CROCC: variants seen among roughly 807,000 people sequenced by gnomAD.
CROCC encodes the protein ciliary rootlet coiled-coil, rootletin.
A neutral mutation model predicts 245.2 loss-of-function variants in CROCC; 180 were observed. That is an observed-to-expected ratio of 0.73 (90% CI 0.65 to 0.83). CROCC has a LOEUF of 0.83. CROCC is among the 40% of genes least tolerant of loss of function. CROCC has a pLI of 0.00. For missense variants in CROCC, 2,688 were observed against 2,779.4 expected (o/e 0.97, Z 0.74); for synonymous variants, 1,205 against 1,241.6 (o/e 0.97, Z 0.62).
Position 16,969,784 on chromosome 1 carries a change from G to A in CROCC, c.5302-1G>A. On this transcript the variant is annotated splice_acceptor_variant, in intron 32 of 36. Coordinates refer to ENST00000375541, the MANE Select transcript of CROCC (RefSeq NM_014675.5). LOFTEE classifies it high-confidence loss of function. The stretch of plus-strand genomic sequence containing the variant: ...AGGCACCATCAGCCCCTGTCCCCCA[G>A]GAACGGCTGGATGCCGCCCGGCAGG... The A allele has an allele frequency of 6.2e-7, 1 of 1,611,996 alleles. No homozygotes were observed. Among genetic ancestry groups the A allele is most frequent in the Non-Finnish European group, 8.5e-7 (1 of 1,179,190 alleles).
upstream of CROCC, among the ~76,000 whole-genome samples, chr1:16,919,250 C>T (rs368638566): frequency 0.018 from 2,712 of 151,278 alleles, no homozygotes; most frequent in African/African-American, 0.062. Flanking sequence ...GCAAATGCCT[C>T]GGCCTTGCCC....
intron 26 of CROCC, among the ~76,000 whole-genome samples, chr1:16,959,626 CT>C (rs1385366783): frequency 6.6e-6 from 1 of 152,204 alleles, no homozygotes; most frequent in Non-Finnish European, 1.5e-5. Flanking sequence ...GAGAGGTTGA[CT>C]CTCTAAATGG....
Position 16,948,345 on chromosome 1 carries a change from G to A in CROCC, c.2529G>A (p.Leu843=). 2 of 1,572,966 alleles carry A rather than the reference G, an allele frequency of 1.3e-6. No individual in the cohort carries two copies. The highest frequency in any genetic ancestry group is 1.8e-5 in the Admixed American group (1 of 55,036). ...GTGGGGGCCAGCTCTCCCGGCAGCT[G>A]AGCGGGCGGGAGCAGGAGCTGGAGC... The part of the protein sequence containing the change: ...QEQLAQLSRQ[L]SGREQELEQA... Residue 843 remains leucine (L), a synonymous_variant, in exon 18 of 37, where the codon CTG becomes CTA. Coordinates refer to ENST00000375541, the MANE Select transcript of CROCC (RefSeq NM_014675.5).
upstream of CROCC, among the ~76,000 whole-genome samples, chr1:16,920,061 T>G (rs1201207797): frequency 2.0e-5 from 3 of 148,196 alleles, no homozygotes; most frequent in Non-Finnish European, 4.5e-5. Flanking sequence ...CCCAGCTAAT[T>G]TTTTTTATAT....
intron 27 of CROCC, among the ~76,000 whole-genome samples, chr1:16,962,214 G>T (rs2100531430): frequency 6.6e-6 from 1 of 151,926 alleles, no homozygotes; most frequent in South Asian, 2.1e-4. Context: ...ACAGGCGTGT[G>T]CCACCACGCC....
Position 16,939,886 on chromosome 1 carries a change from C to T in CROCC, c.1609-8C>T, listed in dbSNP as rs1366394296. ...CCCCCCCAGACTCTGTGACCCCCCACACCCCAGGACATGCGTGGGCGCTAT... is the reference window on the plus strand; with the variant it reads ...CCCCCCCAGACTCTGTGACCCCCCATACCCCAGGACATGCGTGGGCGCTAT... On this transcript the variant is annotated splice_polypyrimidine_tract_variant and splice_region_variant and intron_variant, in intron 12 of 36. Coordinates refer to ENST00000375541, the MANE Select transcript of CROCC (RefSeq NM_014675.5). 5 of 1,611,760 alleles carry T rather than the reference C, an allele frequency of 3.1e-6. No homozygotes were observed. Among genetic ancestry groups the T allele is most frequent in the Non-Finnish European group, 4.2e-6 (5 of 1,179,626 alleles).
At chr1:16,937,618 C>T (rs557517481) in intron 9 of CROCC, 23 bp from the exon 10 acceptor site, 1 of 1,596,904 alleles carries the variant, frequency 6.3e-7, no homozygotes, top group African/African-American at 1.3e-5. Flanking sequence ...CCGTATTCAC[C>T]TCTGTTGCTC....
At chr1:16,923,157 C>T (rs1159527215) in intron 2 of CROCC, among the ~76,000 whole-genome samples, 19 of 152,372 alleles carry the variant, frequency 1.2e-4, no homozygotes, top group East Asian at 7.7e-4. Flanking sequence ...CAGGGTTTTG[C>T]GGAAGTCTGA....
At position 16,923,033 on chromosome 1, in the gene CROCC, G is replaced by A. The variant is rs1349410079; in HGVS notation, c.196+235G>A. 5.2e-5 allele frequency among the ~76,000 whole-genome samples: 8 copies of A among 152,398 alleles called. No homozygotes were observed. In the East Asian group the frequency reaches 7.7e-4, roughly 15 times the overall value. On this transcript the variant is annotated intron_variant, in intron 2 of 36. Transcript: ENST00000375541. ...GAAGGAAGGGCCGAGCATCTCCTGC[G>A]TGCTTGCCTGTAGCCTGCTGCAGAG... is the stretch of plus-strand genomic sequence containing the variant.
chr1:16,947,117 C>T, intron 17 of CROCC, 126 bp downstream of exon 17: 2 of 907,130 alleles, frequency 2.2e-6, no homozygotes, highest in Non-Finnish European at 3.3e-6. Context: ...AAATCCAGCC[C>T]CACTTCTGCT....
chr1:16,934,892 CT>C (rs556637657), intron 8 of CROCC, among the ~76,000 whole-genome samples: 4,236 of 128,296 alleles, frequency 0.033, 7 homozygotes, highest in African/African-American at 0.051. Context: ...TCAGCAGTTT[CT>C]TTTTTTTTTT....
rs1351334580 is a variant in CROCC, at chr1:16,921,933, A to G, written c.-86A>G. ...GCTTAATCTGCCTGGTGCTCAGCAC[A>G]GCATCCTGGCTGTGGCGCGTGCTGA... is the stretch of plus-strand genomic sequence containing the variant. On this transcript the variant is annotated 5_prime_UTR_variant, in exon 1 of 37. Coordinates refer to ENST00000375541, the MANE Select transcript of CROCC (RefSeq NM_014675.5). The G allele has an allele frequency of 2.9e-6, 4 of 1,357,246 alleles. No individual in the cohort carries two copies. Among genetic ancestry groups the G allele is most frequent in the Non-Finnish European group, 4.1e-6 (4 of 971,028 alleles). 84.1% of individuals were successfully genotyped at this position (1,357,246 alleles called of 1,614,324 possible).
chr1:16,922,080 T>G lies in CROCC; in HGVS notation c.60+2T>G, dbSNP rs2075419746. The stretch of plus-strand genomic sequence containing the variant: ...CTGACACTAGAGACGGTTATCCAGG[T>G]GGGTCCTGGGGGCTGTGCCCACCCT... On this transcript the variant is annotated splice_donor_variant, in intron 1 of 36. Coordinates refer to ENST00000375541, the MANE Select transcript of CROCC (RefSeq NM_014675.5). LOFTEE classifies it high-confidence loss of function. The G allele has an allele frequency of 6.5e-7, 1 of 1,547,378 alleles. No individual in the cohort carries two copies. The highest frequency in any genetic ancestry group is 1.4e-5 in the African/African-American group (1 of 73,086).
At position 16,972,463 on chromosome 1, in the gene CROCC, G is replaced by GGA; in HGVS notation, c.*20_*21dup. The stretch of plus-strand genomic sequence containing the variant: ...GAGAAATGAGCTCCTGCTGGCATCT[G>GGA]GAGAACACCCCTGTGCCTGGGACAG... On this transcript the variant is annotated 3_prime_UTR_variant, in exon 37 of 37. Transcript: ENST00000375541. 6.2e-7 allele frequency: 1 copy of GGA among 1,602,424 alleles called. No individual in the cohort carries two copies. The highest frequency in any genetic ancestry group is 8.5e-7 in the Non-Finnish European group (1 of 1,170,842).
At chr1:16,956,204 G>C in intron 25 of CROCC, 48 bp downstream of exon 25, 1 of 1,463,728 alleles carries the variant, frequency 6.8e-7, no homozygotes, top group Non-Finnish European at 9.1e-7. Context: ...TGTGTGCCCC[G>C]GGCCAATAGC....
intron 36 of CROCC, among the ~76,000 whole-genome samples, chr1:16,971,917 A>T (rs1324511612): frequency 6.6e-6 from 1 of 152,168 alleles, no homozygotes; most frequent in Non-Finnish European, 1.5e-5. Context: ...CAGCAGCTCC[A>T]GCCTCAGGTT....
chr1:16,939,243 G>A (rs1305490482), intron 12 of CROCC, 101 bp downstream of exon 12: 5 of 1,079,072 alleles, frequency 4.6e-6, no homozygotes, highest in Middle Eastern at 3.1e-4. Context: ...CGGGGCCAGG[G>A]TCCGAGGGAG....
chr1:16,965,960 G>A, intron 28 of CROCC, 39 bp from the exon 29 acceptor site: 1 of 1,605,494 alleles, frequency 6.2e-7, no homozygotes, highest in Non-Finnish European at 8.5e-7. Context: ...GGGTGTCAGA[G>A]CAGGGGTCTG....
chr1:16,971,236 T>C (rs990237437), intron 35 of CROCC, among the ~76,000 whole-genome samples: 1 of 151,794 alleles, frequency 6.6e-6, no homozygotes, highest in African/African-American at 2.4e-5. Context: ...TGTGTGTGTG[T>C]GTGTGTGTGT....
Sources: allele counts gnomAD v4.1 joint callset (sites outside exome capture counted in the v4.1 genomes callset), GRCh38; gene constraint gnomAD v4.1.1; transcripts MANE v1.5; gene names NCBI Gene and HGNC (gene_info 2026-07-23, HGNC 2026-07-21).